The following TENM3 variants were observed in gnomAD, a reference collection of about 807,000 sequenced individuals.
TENM3 encodes teneurin-3.
Under a neutral mutation model 255.1 loss-of-function variants are expected in TENM3, and 63 were observed. That is an observed-to-expected ratio of 0.25 (90% CI 0.20 to 0.30). The LOEUF (loss-of-function observed/expected upper bound fraction) is 0.30. Among genes scored for constraint, TENM3 ranks in the 10% least tolerant of loss-of-function variants. TENM3 has a pLI of 1.00. For missense variants in TENM3, 2,929 were observed against 3,461.1 expected (o/e 0.85, Z 3.86); for synonymous variants, 1,306 against 1,322.3 (o/e 0.99, Z 0.27).
At chr4:182,668,105 T>G (rs1693620299) in intron 6 of TENM3, among the ~76,000 whole-genome samples, 1 of 152,164 alleles carries the variant, frequency 6.6e-6, no homozygotes, top group Admixed American at 6.5e-5. Context: ...TACCCCATTG[T>G]TAACCCCACA....
chr4:182,403,729 C>G (rs1769361935), intron 3 of TENM3, among the ~76,000 whole-genome samples: 1 of 151,982 alleles, frequency 6.6e-6, no homozygotes, highest in Admixed American at 6.6e-5. Context: ...AAATTGTTTT[C>G]TAGTTATTTT....
the TENM3 span, among the ~76,000 whole-genome samples, chr4:181,966,442 C>T: frequency 1.3e-5 from 2 of 152,106 alleles, no homozygotes; most frequent in Admixed American, 1.3e-4. Flanking sequence ...CTCAGAAGGC[C>T]ACAGCTAATG....
At chr4:182,405,290 A>G (rs969850686) in intron 3 of TENM3, among the ~76,000 whole-genome samples, 6 of 152,154 alleles carry the variant, frequency 3.9e-5, no homozygotes, top group African/African-American at 1.2e-4. Flanking sequence ...TTGTACTCAC[A>G]GTAGATGTTG....
chr4:182,380,303 A>G (rs1291775486), intron 3 of TENM3, among the ~76,000 whole-genome samples: 2 of 152,144 alleles, frequency 1.3e-5, no homozygotes, highest in East Asian at 3.9e-4. Context: ...AAAACAAAAA[A>G]GAACTAGTGC....
At chr4:182,284,168 G>T (rs1367003590) in intron 1 of TENM3, among the ~76,000 whole-genome samples, 2 of 152,070 alleles carry the variant, frequency 1.3e-5, no homozygotes, top group African/African-American at 2.4e-5. Flanking sequence ...TTATTTCAGG[G>T]TTACCAAAAC....
the TENM3 span, among the ~76,000 whole-genome samples, chr4:181,496,346 A>C: frequency 8.5e-6 from 1 of 117,068 alleles, no homozygotes; most frequent in East Asian, 2.0e-4. Context: ...TTTATGATTA[A>C]ATTTCTTCAC....
the TENM3 span, among the ~76,000 whole-genome samples, chr4:181,684,273 C>A: frequency 6.6e-6 from 1 of 152,158 alleles, no homozygotes; most frequent in Non-Finnish European, 1.5e-5. Flanking sequence ...TAATTTTTTA[C>A]CAATCATTTT....
At chr4:182,498,522 G>C (rs535953345) in intron 3 of TENM3, among the ~76,000 whole-genome samples, 33 of 151,892 alleles carry the variant, frequency 2.2e-4, no homozygotes, top group African/African-American at 7.5e-4. Context: ...AGCTTTTTCA[G>C]TGGCTTCCTA....
At chr4:181,921,846 A>G in the TENM3 span, among the ~76,000 whole-genome samples, 1 of 152,156 alleles carries the variant, frequency 6.6e-6, no homozygotes, top group Admixed American at 6.5e-5. Flanking sequence ...GTTTTTGCCC[A>G]TTCAGTATGA....
At chr4:181,744,539 GTATCTGATGGATATT>G in the TENM3 span, among the ~76,000 whole-genome samples, 1 of 152,134 alleles carries the variant, frequency 6.6e-6, no homozygotes, top group Non-Finnish European at 1.5e-5. Flanking sequence ...ATGTGATGTA[GTATCTGATGGATATT>G]TTTAAGGGAT....
At chr4:182,107,143 A>G in the TENM3 span, among the ~76,000 whole-genome samples, 292 of 124,432 alleles carry the variant, frequency 2.3e-3, no homozygotes, top group African/African-American at 8.9e-3. Context: ...GTCTGGTGAA[A>G]CAGAACATAC....
the TENM3 span, among the ~76,000 whole-genome samples, chr4:181,585,191 G>GCA: frequency 6.6e-6 from 1 of 152,058 alleles, no homozygotes. Context: ...GAGCCATGGA[G>GCA]CACCTTGTAC....
At chr4:182,706,645 T>A (rs1463300483) in intron 12 of TENM3, among the ~76,000 whole-genome samples, 1 of 152,202 alleles carries the variant, frequency 6.6e-6, no homozygotes, top group Non-Finnish European at 1.5e-5. Flanking sequence ...TCATTTTATC[T>A]GCTTTAATAT....
chr4:182,799,649 G>A lies in TENM3; in HGVS notation c.7398G>A (p.Ser2466=), dbSNP rs1485977049. 7.1e-6 allele frequency: 11 copies of A among 1,547,270 alleles called. No homozygotes were observed. The highest frequency in any genetic ancestry group is 9.6e-6 in the Non-Finnish European group (11 of 1,146,668). Residue 2466 remains serine (S), a synonymous_variant, in exon 28 of 28, where the codon TCG becomes TCA. Transcript: ENST00000511685. This position sits in a 1 kb window ranked among gnomAD's most constrained non-coding sequence, Gnocchi z 4.2. ...QVARQAKAFL[S]LGKMAEVQVS... ...CGCGGCAGGCCAAGGCCTTCCTGTC[G>A]CTGGGGAAGATGGCCGAGGTGCAGG...
chr4:181,487,612 C>T, the TENM3 span, among the ~76,000 whole-genome samples: 2 of 152,108 alleles, frequency 1.3e-5, no homozygotes, highest in Non-Finnish European at 2.9e-5. Context: ...CCAAAGTCAC[C>T]ACCTCCTAAT....
At chr4:182,227,320 C>T (rs1221455079) in intron 1 of TENM3, among the ~76,000 whole-genome samples, 1 of 152,200 alleles carries the variant, frequency 6.6e-6, no homozygotes, top group Admixed American at 6.5e-5. Flanking sequence ...CCTGGAGCTT[C>T]ACCCACAGTC....
intron 4 of TENM3, among the ~76,000 whole-genome samples, chr4:182,618,522 C>G (rs754039703): frequency 6.6e-6 from 1 of 151,278 alleles, no homozygotes; most frequent in African/African-American, 2.4e-5. Flanking sequence ...CACTAAAAAT[C>G]TTATGATGGT....
the TENM3 span, among the ~76,000 whole-genome samples, chr4:181,807,605 G>A: frequency 1.1e-4 from 16 of 152,092 alleles, no homozygotes; most frequent in South Asian, 2.1e-4. Flanking sequence ...CGCCTGCCTC[G>A]GCCTCCCAAA....
At chr4:182,008,407 T>C in the TENM3 span, among the ~76,000 whole-genome samples, 1 of 152,210 alleles carries the variant, frequency 6.6e-6, no homozygotes, top group South Asian at 2.1e-4. Flanking sequence ...TGAAGTCCCA[T>C]ATTTCTTGGA....
Sources: allele counts gnomAD v4.1 joint callset (sites outside exome capture counted in the v4.1 genomes callset), GRCh38; gene constraint gnomAD v4.1.1; non-coding constraint Gnocchi (gnomAD v3.1); transcripts MANE v1.5; gene names NCBI Gene and HGNC (gene_info 2026-07-23, HGNC 2026-07-21).